The following MACROD2 variants were observed in gnomAD, a reference collection of about 807,000 sequenced individuals.
MACROD2 encodes the protein mono-ADP ribosylhydrolase 2, also known as ADP-ribose glycohydrolase MACROD2.
MACROD2 carries 36 observed loss-of-function variants against 70.4 expected under a neutral mutation model. The ratio of observed to expected loss-of-function variants is 0.51; its 90% CI spans 0.39 to 0.68. MACROD2 has a LOEUF of 0.68. Ranked by LOEUF, MACROD2 falls within the 30% of genes least tolerant of loss-of-function variation. The pLI is 0.00. For missense variants in MACROD2, 496 were observed against 538.4 expected, an observed-to-expected ratio of 0.92 and a Z score of 0.78; for synonymous variants, 172 against 178.8, an observed-to-expected ratio of 0.96 and a Z score of 0.30.
intron 3 of MACROD2, among the ~76,000 whole-genome samples, chr20:14,233,559 T>C (rs2081839179): frequency 1.4e-5 from 2 of 148,066 alleles, no homozygotes; most frequent in South Asian, 4.2e-4. Context: ...AGGTGGGGTG[T>C]GGTGGCGGGT....
At chr20:14,056,539 T>C (rs2053632544) in intron 2 of MACROD2, among the ~76,000 whole-genome samples, 1 of 152,034 alleles carries the variant, frequency 6.6e-6, no homozygotes. Flanking sequence ...GAAGATGCTG[T>C]TTTTGTTATT....
At chr20:15,001,269 C>G (rs2074993186) in intron 5 of MACROD2, among the ~76,000 whole-genome samples, 1 of 152,118 alleles carries the variant, frequency 6.6e-6, no homozygotes, top group Non-Finnish European at 1.5e-5. Flanking sequence ...GTGATTTTGT[C>G]CAAGGGCAGT....
chr20:15,696,749 A>G (rs2050381678), intron 8 of MACROD2, among the ~76,000 whole-genome samples: 1 of 135,944 alleles, frequency 7.4e-6, no homozygotes, highest in South Asian at 2.2e-4. Flanking sequence ...TGGTCTATTC[A>G]GGGTATCTAA....
In MACROD2 at chr20:14,347,176, C is replaced by CT. The variant is rs2083072586; in HGVS notation, c.272-146303_272-146302insT. Among the ~76,000 whole-genome samples the CT allele has an allele frequency of 3.9e-5, 6 of 152,200 alleles. No individual in the cohort carries two copies. In the South Asian group the frequency reaches 1.0e-3, roughly 26 times the overall value. On this transcript the variant is annotated intron_variant, in intron 3 of 17. Transcript: ENST00000684519. ...ATCAGAGGTGCTAAGATAGCAACAG[C>CT]ATGTTAATTTGAGGTGAAAAGTGTC... is the stretch of plus-strand genomic sequence containing the variant.
At chr20:14,277,506 T>C (rs1050190146) in intron 3 of MACROD2, among the ~76,000 whole-genome samples, 3 of 152,120 alleles carry the variant, frequency 2.0e-5, no homozygotes, top group Non-Finnish European at 4.4e-5. Flanking sequence ...GTTTACTTGA[T>C]GGTTTAAAGG....
intron 7 of MACROD2, among the ~76,000 whole-genome samples, chr20:15,496,167 T>G (rs1395944552): frequency 6.6e-6 from 1 of 152,198 alleles, no homozygotes; most frequent in East Asian, 1.9e-4. Flanking sequence ...ATTGTGATGC[T>G]TGTGATGCTT....
chr20:15,424,752 T>C (rs565195726), intron 6 of MACROD2, among the ~76,000 whole-genome samples: 1 of 152,212 alleles, frequency 6.6e-6, no homozygotes, highest in East Asian at 1.9e-4. Flanking sequence ...AGAATGGTAT[T>C]CTGAATTTCA....
chr20:14,653,300 G>C (rs1737998472), intron 4 of MACROD2, among the ~76,000 whole-genome samples: 1 of 150,196 alleles, frequency 6.7e-6, no homozygotes. Context: ...CTCACTGCAA[G>C]CTCCGCCTCC....
chr20:15,971,856 G>A (rs1315113454), intron 13 of MACROD2, among the ~76,000 whole-genome samples: 2 of 152,000 alleles, frequency 1.3e-5, no homozygotes, highest in Non-Finnish European at 2.9e-5. Context: ...ACAGGAAGCA[G>A]GAAAGTATGA....
At chr20:15,484,750 A>G (rs2047143311) in intron 7 of MACROD2, among the ~76,000 whole-genome samples, 2 of 152,218 alleles carry the variant, frequency 1.3e-5, no homozygotes, top group Non-Finnish European at 2.9e-5. Flanking sequence ...CAAAAGCATG[A>G]TAGCCCTGGA....
At chr20:15,369,019 A>T (rs1430892153) in intron 6 of MACROD2, among the ~76,000 whole-genome samples, 1 of 152,158 alleles carries the variant, frequency 6.6e-6, no homozygotes, top group East Asian at 1.9e-4. Flanking sequence ...AATAGAGTAT[A>T]TGTCTGGTAT....
chr20:14,651,814 C>T (rs1985694740), intron 4 of MACROD2, among the ~76,000 whole-genome samples: 1 of 152,166 alleles, frequency 6.6e-6, no homozygotes, highest in African/African-American at 2.4e-5. Context: ...CGACCAGTGT[C>T]TCATCAAATC....
intron 4 of MACROD2, among the ~76,000 whole-genome samples, chr20:14,683,836 C>G (rs1178119626): frequency 6.6e-6 from 1 of 152,018 alleles, no homozygotes; most frequent in Non-Finnish European, 1.5e-5. Flanking sequence ...CTACTACTCT[C>G]TCTTTTCCTT....
intron 12 of MACROD2, among the ~76,000 whole-genome samples, chr20:15,944,736 T>C (rs1422481483): frequency 1.3e-5 from 2 of 152,158 alleles, no homozygotes; most frequent in Non-Finnish European, 2.9e-5. Context: ...TTTTTTTGGT[T>C]GTTTAATTAG....
chr20:15,945,002 C>T (rs1235530951), intron 12 of MACROD2, among the ~76,000 whole-genome samples: 5 of 152,098 alleles, frequency 3.3e-5, no homozygotes, highest in Admixed American at 6.6e-5. Context: ...ATCTCTTCTT[C>T]CAACTACTTG....
chr20:14,349,413 C>T (rs1408349485), intron 3 of MACROD2, among the ~76,000 whole-genome samples: 1 of 150,516 alleles, frequency 6.6e-6, no homozygotes, highest in African/African-American at 2.4e-5. Flanking sequence ...AGTTAATACT[C>T]TTTTAGTTAT....
At chr20:15,043,201 A>G (rs972317239) in intron 5 of MACROD2, among the ~76,000 whole-genome samples, 2 of 152,218 alleles carry the variant, frequency 1.3e-5, no homozygotes, top group African/African-American at 4.8e-5. Flanking sequence ...TGTTCCACAG[A>G]CGCATTTTAT....
chr20:14,441,941 G>C (rs1029580478), intron 3 of MACROD2, among the ~76,000 whole-genome samples: 2 of 152,064 alleles, frequency 1.3e-5, no homozygotes, highest in Non-Finnish European at 2.9e-5. Context: ...GCAGTAGAAA[G>C]TGTAGCAGGA....
At chr20:14,354,954 A>G (rs914544068) in intron 3 of MACROD2, among the ~76,000 whole-genome samples, 2 of 152,300 alleles carry the variant, frequency 1.3e-5, no homozygotes, top group South Asian at 2.1e-4. Flanking sequence ...TGTTGCTGCA[A>G]AGATATGATT....
Sources: gnomAD v4.1 joint callset for allele counts (sites outside exome capture counted in the v4.1 genomes callset) on GRCh38, gnomAD v4.1.1 for gene constraint, MANE v1.5 for transcripts, NCBI Gene and HGNC (gene_info 2026-07-23, HGNC 2026-07-21) for gene names.